The following NTM variants were observed in gnomAD, a reference collection of about 807,000 sequenced individuals.
The protein encoded by NTM is neurotrimin, also known as IgLON family member 2.
In NTM, 13 loss-of-function variants were observed where a neutral mutation model predicts 42.1. The observed-to-expected ratio is 0.31, with a 90% CI of 0.20 to 0.49. The LOEUF is 0.49. Ranked by LOEUF, NTM falls within the 20% of genes least tolerant of loss-of-function variation. The pLI is 0.99. For synonymous variants in NTM, 187 were observed against 179.2 expected (o/e 1.04, Z -0.35); for missense variants, 373 against 452.8 (o/e 0.82, Z 1.60).
intron 1 of NTM, among the ~76,000 whole-genome samples, chr11:131,810,242 A>G (rs2092682021): frequency 6.6e-6 from 1 of 152,202 alleles, no homozygotes; most frequent in Middle Eastern, 3.4e-3. Context: ...GACCAGCTGA[A>G]TCCCCCAAAC....
chr11:132,146,576 G>C lies in NTM; in HGVS notation c.400+62G>C, dbSNP rs1284284188. The C allele has an allele frequency of 2.0e-5, 31 of 1,555,036 alleles. No individual in the cohort carries two copies. The South Asian group carries it at 3.6e-4, about 18-fold the overall frequency. On this transcript the variant is annotated intron_variant, in intron 3 of 8. Transcript: ENST00000683400. This position sits in a 1 kb window ranked among gnomAD's most constrained non-coding sequence, Gnocchi z 4.5. ...CCAGCCTGGAAAGCCTTCAGGTAAAGGTTTGTTCTCTGATCCTCAACAGAG... is the reference window on the plus strand; with the variant it reads ...CCAGCCTGGAAAGCCTTCAGGTAAACGTTTGTTCTCTGATCCTCAACAGAG...
At chr11:132,277,369 T>C (rs932049332) in intron 4 of NTM, among the ~76,000 whole-genome samples, 2 of 152,204 alleles carry the variant, frequency 1.3e-5, no homozygotes, top group Admixed American at 1.3e-4. Flanking sequence ...AGGCATATAT[T>C]GTGCTGGTAC....
intron 2 of NTM, among the ~76,000 whole-genome samples, chr11:132,052,942 A>G (rs891485691): frequency 1.3e-5 from 2 of 152,116 alleles, no homozygotes; most frequent in African/African-American, 4.8e-5. Flanking sequence ...ATGGACCTAA[A>G]CTAAGAGGTA....
At chr11:131,965,297 T>C (rs1023312991) in intron 2 of NTM, among the ~76,000 whole-genome samples, 7 of 151,998 alleles carry the variant, frequency 4.6e-5, no homozygotes, top group Non-Finnish European at 7.4e-5. Context: ...TGCAAAGCTG[T>C]ACAGTGGAGG....
chr11:132,282,976 C>T (rs1182596052), intron 4 of NTM, among the ~76,000 whole-genome samples: 1 of 109,010 alleles, frequency 9.2e-6, no homozygotes, highest in Non-Finnish European at 1.8e-5. Context: ...TCCTTTATTC[C>T]TTTTTTTTTT....
At chr11:131,908,615 G>A (rs576003179) in intron 1 of NTM, among the ~76,000 whole-genome samples, 1 of 152,334 alleles carries the variant, frequency 6.6e-6, no homozygotes, top group African/African-American at 2.4e-5. Flanking sequence ...AGAGGGAGGA[G>A]CATAAGGGAT....
chr11:132,073,841 T>A (rs1253701277), intron 2 of NTM, among the ~76,000 whole-genome samples: 1 of 152,184 alleles, frequency 6.6e-6, no homozygotes, highest in Non-Finnish European at 1.5e-5. Context: ...TCTATCCCAT[T>A]TCTGGCCACA....
chr11:131,572,736 T>G (rs1346762782), intron 1 of NTM, among the ~76,000 whole-genome samples: 1 of 152,144 alleles, frequency 6.6e-6, no homozygotes, highest in Non-Finnish European at 1.5e-5. Flanking sequence ...TATTAAGGTG[T>G]GGCGTGATTT....
intron 1 of NTM, among the ~76,000 whole-genome samples, chr11:131,499,351 A>G (rs1235151429): frequency 6.6e-6 from 1 of 152,106 alleles, no homozygotes; most frequent in African/African-American, 2.4e-5. Context: ...TGACTCCTTC[A>G]TAGAGTGAGA....
intron 1 of NTM, among the ~76,000 whole-genome samples, chr11:131,843,634 A>G (rs1445659928): frequency 6.6e-6 from 1 of 152,230 alleles, no homozygotes. Flanking sequence ...CACCTTCAAC[A>G]TTTCTAAATA....
chr11:131,851,723 C>T (rs1384105059), intron 1 of NTM, among the ~76,000 whole-genome samples: 1 of 152,082 alleles, frequency 6.6e-6, no homozygotes, highest in Non-Finnish European at 1.5e-5. Flanking sequence ...TCTGTCCTAC[C>T]AGGTAGTGAA....
chr11:131,670,384 T>C (rs1046777520), intron 1 of NTM, among the ~76,000 whole-genome samples: 4 of 152,194 alleles, frequency 2.6e-5, no homozygotes, highest in African/African-American at 9.7e-5. Flanking sequence ...CCTTCCTTTC[T>C]TTCTTTTTCT....
chr11:131,403,645 G>T (rs924570855), intron 1 of NTM, among the ~76,000 whole-genome samples: 2 of 152,124 alleles, frequency 1.3e-5, no homozygotes, highest in African/African-American at 4.8e-5. Flanking sequence ...CTCTTAGGAG[G>T]TTTGCTTTTC....
chr11:131,771,008 G>C (rs1261244280), intron 1 of NTM: 1 of 152,054 alleles, frequency 6.6e-6, no homozygotes, highest in African/African-American at 2.4e-5. Context: ...ATTTACCGTA[G>C]CACTGGTGAC....
At position 131,668,903 on chromosome 11, in the gene NTM, A is replaced by G. The variant is rs143379147; in HGVS notation, c.83-242661A>G. 3.2e-3 allele frequency among the ~76,000 whole-genome samples: 492 copies of G among 152,336 alleles called. 2 individuals carry two copies. Among genetic ancestry groups the G allele is most frequent in the African/African-American group, 0.011 (456 of 41,572 alleles). On this transcript the variant is annotated intron_variant, in intron 1 of 8. Coordinates refer to ENST00000683400, the MANE Select transcript of NTM (RefSeq NM_001352005.2). ...TTATTATGAGGCATTTCAAACAACA[A>G]TAACAATAATAATAAAGTAAGGCTC...
At chr11:131,676,426 G>GGT (rs2071398586) in intron 1 of NTM, among the ~76,000 whole-genome samples, 2 of 151,532 alleles carry the variant, frequency 1.3e-5, no homozygotes, top group African/African-American at 4.9e-5. Flanking sequence ...TAGCACTGAG[G>GGT]GTGTGTGTAT....
chr11:131,646,386 G>GA (rs1047607943), intron 1 of NTM, among the ~76,000 whole-genome samples: 4 of 152,012 alleles, frequency 2.6e-5, no homozygotes, highest in South Asian at 4.2e-4. Context: ...AACTCACAAA[G>GA]AAAAAAAATT....
intron 1 of NTM, among the ~76,000 whole-genome samples, chr11:131,643,528 G>A (rs888279636): frequency 6.6e-6 from 1 of 152,060 alleles, no homozygotes; most frequent in Non-Finnish European, 1.5e-5. Flanking sequence ...AGTCCCTAGG[G>A]CTCTACTCAA....
At chr11:132,031,281 T>G (rs192142576) in intron 2 of NTM, among the ~76,000 whole-genome samples, 1 of 152,346 alleles carries the variant, frequency 6.6e-6, no homozygotes, top group African/African-American at 2.4e-5. Flanking sequence ...GGGAAGTCAT[T>G]AAGTCATATT....
Sources: allele counts gnomAD v4.1 joint callset (sites outside exome capture counted in the v4.1 genomes callset), GRCh38; gene constraint gnomAD v4.1.1; non-coding constraint Gnocchi (gnomAD v3.1); transcripts MANE v1.5; gene names NCBI Gene and HGNC (gene_info 2026-07-23, HGNC 2026-07-21).